THRB: variants seen among roughly 807,000 people sequenced by gnomAD.
THRB encodes the protein nuclear receptor subfamily 1 group A member 2.
Under a neutral mutation model 47.8 loss-of-function variants are expected in THRB, and 12 were observed. That is an observed-to-expected ratio of 0.25 (90% confidence interval 0.16 to 0.41). THRB has a LOEUF of 0.41. THRB is among the 10% of genes least tolerant of loss of function. THRB has a pLI of 1.00. For synonymous variants in THRB, 218 were observed against 212.2 expected, an observed-to-expected ratio of 1.03 and a Z score of -0.24; for missense variants, 348 against 589.2, an observed-to-expected ratio of 0.59 and a Z score of 4.24.
At chr3:24,141,566 C>T (rs2035450963) in intron 8 of THRB, among the ~76,000 whole-genome samples, 1 of 152,128 alleles carries the variant, frequency 6.6e-6, no homozygotes, top group African/African-American at 2.4e-5. Context: ...GAGGAATGTG[C>T]CTGACTTATT....
rs1336476877 is a variant in THRB, at chr3:24,118,954, C to T, written c.*3930G>A. ...GTAAAAATTCTGTGATAAGGCCAAA[C>T]CTTTTTTCCCCCAGTCTGGTTTTTT... is the stretch of plus-strand genomic sequence containing the variant. On this transcript the variant is annotated 3_prime_UTR_variant, in exon 11 of 11. Transcript: ENST00000646209. 1 of 143,186 alleles carries T rather than the reference C, an allele frequency of 7.0e-6. No homozygotes were observed. The highest frequency in any genetic ancestry group is 1.5e-5 in the Non-Finnish European group (1 of 65,552). The allele number at this position is 143,186 out of a possible 1,614,324, so 8.9% of individuals were successfully genotyped here.
chr3:24,299,635 T>C (rs1268102935), intron 2 of THRB, among the ~76,000 whole-genome samples: 2 of 143,694 alleles, frequency 1.4e-5, no homozygotes, highest in Non-Finnish European at 3.1e-5. Context: ...TCTGTGGTCA[T>C]AAAAACTTTC....
chr3:24,419,594 G>C (rs541438815), intron 1 of THRB, among the ~76,000 whole-genome samples: 4 of 151,890 alleles, frequency 2.6e-5, no homozygotes, highest in Non-Finnish European at 5.9e-5. Context: ...ATAGAATTCA[G>C]TTCTCTGGAC....
In THRB at chr3:24,191,251, A is replaced by AATAT. The variant is rs138175828; in HGVS notation, c.23-921_23-918dup. On this transcript the variant is annotated intron_variant, in intron 4 of 10. Transcript: ENST00000646209. ...TATAGAGAGCAAAAATGAGCAAGCT[A>AATAT]ATATATATATATATACATATTTGTA... 1.3e-4 allele frequency among the ~76,000 whole-genome samples: 19 copies of AATAT among 150,260 alleles called. No homozygotes were observed. In the East Asian group the frequency reaches 3.3e-3, roughly 26 times the overall value.
At position 24,165,341 on chromosome 3, in the gene THRB, A is replaced by G. The variant is rs1300306655; in HGVS notation, c.284-12851T>C. The G allele has an allele frequency of 3.9e-6, 3 of 763,116 alleles. No homozygotes were observed. In the African/African-American group the frequency reaches 5.1e-5, roughly 13 times the overall value. The allele number at this position is 763,116 out of a possible 1,614,324, so 47.3% of individuals were successfully genotyped here. ...TGGGTGCACTTCATATATTTCTTGCATACAGTAGTTCATTTTGTTTCCCTG... is the reference window on the plus strand; with the variant it reads ...TGGGTGCACTTCATATATTTCTTGCGTACAGTAGTTCATTTTGTTTCCCTG... On this transcript the variant is annotated intron_variant, in intron 5 of 10. Coordinates refer to ENST00000646209, the MANE Select transcript of THRB (RefSeq NM_001354712.2).
chr3:24,291,128 G>A (rs1214948669), intron 3 of THRB, among the ~76,000 whole-genome samples: 1 of 152,130 alleles, frequency 6.6e-6, no homozygotes, highest in African/African-American at 2.4e-5. Flanking sequence ...CACAAAATAG[G>A]TTCCTGTTAC....
chr3:24,137,421 A>G (rs1490130751), intron 8 of THRB, among the ~76,000 whole-genome samples: 1 of 152,224 alleles, frequency 6.6e-6, no homozygotes, highest in Non-Finnish European at 1.5e-5. Context: ...AATTTGTGAT[A>G]AGTCTGGAGG....
chr3:24,479,476 A>G (rs952685033), intron 1 of THRB, among the ~76,000 whole-genome samples: 1 of 152,186 alleles, frequency 6.6e-6, no homozygotes, highest in South Asian at 2.1e-4. Flanking sequence ...AGCTATTAGG[A>G]GAGAGAGCAT....
Position 24,426,625 on chromosome 3 carries a change from A to G in THRB, c.-261+68027T>C, listed in dbSNP as rs546537806. On this transcript the variant is annotated intron_variant, in intron 1 of 10. Transcript: ENST00000646209. ...TTTATGTCGTTTCCTCTCACAAAGC[A>G]GAACACTGAATTGATTTTTAGATTA... Among the ~76,000 whole-genome samples, 31 of 152,098 alleles carry G rather than the reference A, an allele frequency of 2.0e-4. No individual in the cohort carries two copies. The South Asian group carries it at 5.8e-3, about 29-fold the overall frequency.
At chr3:24,133,971 C>T (rs1202059866) in intron 8 of THRB, among the ~76,000 whole-genome samples, 1 of 152,132 alleles carries the variant, frequency 6.6e-6, no homozygotes, top group Non-Finnish European at 1.5e-5. Flanking sequence ...CTCCCCTCTG[C>T]CCTACAGACT....
chr3:24,378,606 T>C lies in THRB; in HGVS notation c.-260-41235A>G, dbSNP rs1175832173. On this transcript the variant is annotated intron_variant, in intron 1 of 10. Transcript: ENST00000646209. ...ATGACGGTGCTCAAGGTTGGGTGTA[T>C]ATAGGCCATTGAGCCTTTCCTCTTT... 2.0e-5 allele frequency among the ~76,000 whole-genome samples: 3 copies of C among 152,132 alleles called. 1 individual carries two copies. Among genetic ancestry groups the C allele is most frequent in the Non-Finnish European group, 4.4e-5 (3 of 68,014 alleles).
At chr3:24,221,737 C>G (rs537828865) in intron 4 of THRB, among the ~76,000 whole-genome samples, 1 of 152,238 alleles carries the variant, frequency 6.6e-6, no homozygotes, top group South Asian at 2.1e-4. Context: ...CCTAGCTGCT[C>G]AAATTTGGAA....
At position 24,349,507 on chromosome 3, in the gene THRB, T is replaced by C. The variant is rs565418143; in HGVS notation, c.-260-12136A>G. On this transcript the variant is annotated intron_variant, in intron 1 of 10. Coordinates refer to ENST00000646209, the MANE Select transcript of THRB (RefSeq NM_001354712.2). ...ATGCTATTGACACAGGATAGACAAATAGATCACAAGAGCTCCAAAGAGAGT... is the reference window on the plus strand; with the variant it reads ...ATGCTATTGACACAGGATAGACAAACAGATCACAAGAGCTCCAAAGAGAGT... 2.2e-4 allele frequency among the ~76,000 whole-genome samples: 34 copies of C among 152,180 alleles called. No homozygotes were observed. The South Asian group carries it at 6.6e-3, about 30-fold the overall frequency.
intron 3 of THRB, among the ~76,000 whole-genome samples, chr3:24,260,053 C>G (rs2150478399): frequency 6.6e-6 from 1 of 152,284 alleles, no homozygotes; most frequent in East Asian, 1.9e-4. Context: ...CTGTCACTCC[C>G]TTATCACCTC....
At chr3:24,203,966 C>A (rs989647333) in intron 4 of THRB, among the ~76,000 whole-genome samples, 1 of 152,224 alleles carries the variant, frequency 6.6e-6, no homozygotes, top group African/African-American at 2.4e-5. Flanking sequence ...GGGAGGGGCA[C>A]CCGCCATTGC....
chr3:24,199,347 T>C (rs1273336288), intron 4 of THRB, among the ~76,000 whole-genome samples: 2 of 152,216 alleles, frequency 1.3e-5, no homozygotes, highest in Admixed American at 1.3e-4. Flanking sequence ...TGCCTTTCAT[T>C]GCTAAATGGT....
intron 3 of THRB, among the ~76,000 whole-genome samples, chr3:24,242,135 T>A (rs994715493): frequency 6.6e-6 from 1 of 152,208 alleles, no homozygotes; most frequent in Admixed American, 6.5e-5. Flanking sequence ...TATCTCCCAT[T>A]TCTTATGGGT....
At chr3:24,135,372 CT>C (rs1403647999) in intron 8 of THRB, among the ~76,000 whole-genome samples, 1 of 152,074 alleles carries the variant, frequency 6.6e-6, no homozygotes, top group Non-Finnish European at 1.5e-5. Context: ...CAGCATTTAA[CT>C]TTTTTTGACC....
chr3:24,343,011 A>G (rs1294459213), intron 1 of THRB, among the ~76,000 whole-genome samples: 1 of 152,182 alleles, frequency 6.6e-6, no homozygotes, highest in African/African-American at 2.4e-5. Flanking sequence ...ATCCAAGCAG[A>G]TTGGACTTTT....
Sources: gnomAD v4.1 joint callset for allele counts (sites outside exome capture counted in the v4.1 genomes callset) on GRCh38, gnomAD v4.1.1 for gene constraint, MANE v1.5 for transcripts, NCBI Gene and HGNC (gene_info 2026-07-23, HGNC 2026-07-21) for gene names.